Variants in APPL1 observed in about 807,000 individuals in gnomAD.
The protein encoded by APPL1 is DCC-interacting protein 13-alpha.
Under a neutral mutation model 106.8 loss-of-function variants are expected in APPL1, and 42 were observed. The ratio of observed to expected loss-of-function variants is 0.39; its 90% CI spans 0.31 to 0.51. The LOEUF is 0.51. Among genes scored for constraint, APPL1 ranks in the 20% least tolerant of loss-of-function variants. The pLI is 0.75. For synonymous variants in APPL1, 263 were observed against 281.8 expected (o/e 0.93, Z 0.67); for missense variants, 769 against 858.2 (o/e 0.90, Z 1.30).
At chr3:57,252,511 G>T (rs1306058953) in intron 12 of APPL1, among the ~76,000 whole-genome samples, 200 bp downstream of exon 12, 1 of 152,160 alleles carries the variant, frequency 6.6e-6, no homozygotes, top group Admixed American at 6.5e-5. Flanking sequence ...TATAGTGGGA[G>T]GGACCTTAGA....
intron 4 of APPL1, 54 bp from the exon 5 acceptor site, chr3:57,240,411 C>A: frequency 7.5e-7 from 1 of 1,339,058 alleles, no homozygotes; most frequent in Non-Finnish European, 1.1e-6. Flanking sequence ...TTACATAACA[C>A]TGGTTAAATG....
At chr3:57,248,967 T>G (rs1438566218) in intron 10 of APPL1, among the ~76,000 whole-genome samples, 1 of 152,242 alleles carries the variant, frequency 6.6e-6, no homozygotes, top group Non-Finnish European at 1.5e-5. Flanking sequence ...TATCCTACTT[T>G]AATATATTTG....
At chr3:57,232,456 G>C (rs1236537582) in intron 1 of APPL1, among the ~76,000 whole-genome samples, 2 of 152,036 alleles carry the variant, frequency 1.3e-5, no homozygotes, top group East Asian at 3.9e-4. Context: ...TAGTCTCTCA[G>C]TGTTCAACTA....
chr3:57,267,992 C>T, intron 20 of APPL1, 200 bp downstream of exon 20: 1 of 597,898 alleles, frequency 1.7e-6, no homozygotes, highest in South Asian at 2.0e-5. Flanking sequence ...CTGAGGAGGT[C>T]TGAGGCACGA....
chr3:57,267,406 G>T (rs1181882457), intron 19 of APPL1, among the ~76,000 whole-genome samples: 1 of 152,038 alleles, frequency 6.6e-6, no homozygotes, highest in African/African-American at 2.4e-5. Context: ...ACATTATGTT[G>T]GGAACCAAAA....
Position 57,228,615 on chromosome 3 carries a change from G to A in APPL1, c.54+678G>A, listed in dbSNP as rs889843053. On this transcript the variant is annotated intron_variant, in intron 1 of 21. Transcript: ENST00000288266. This position sits in a 1 kb window ranked among gnomAD's most constrained non-coding sequence, Gnocchi z 4.6. Reference sequence around the variant, plus strand: ...CCTTAATAAACTCATCAAAATAAAAGCCCTGTGTTCTGTGCGTCGGAATGA... The same window carrying A: ...CCTTAATAAACTCATCAAAATAAAAACCCTGTGTTCTGTGCGTCGGAATGA... Among the ~76,000 whole-genome samples, 1 of 152,254 alleles carries A rather than the reference G, an allele frequency of 6.6e-6. No homozygotes were observed. Among genetic ancestry groups the A allele is most frequent in the African/African-American group, 2.4e-5 (1 of 41,472 alleles).
chr3:57,257,004 T>C lies in APPL1; in HGVS notation c.1200T>C (p.Pro400=), dbSNP rs2060840379. The part of the protein sequence containing the change: ...VNQSALEAVT[P]SPSFQQRHES... ...AATCAGCTCTGGAAGCTGTCACTCC[T>C]TCCCCATCTTTCCAGCAGAGGCACG... Residue 400 remains proline, a synonymous_variant, in exon 14 of 22, where the codon CCT becomes CCC. Coordinates refer to ENST00000288266, the MANE Select transcript of APPL1 (RefSeq NM_012096.3). The C allele has an allele frequency of 6.2e-7, 1 of 1,614,064 alleles. No individual in the cohort carries two copies. Among genetic ancestry groups the C allele is most frequent in the Non-Finnish European group, 8.5e-7 (1 of 1,180,030 alleles).
chr3:57,262,955 G>A (rs138830832), intron 19 of APPL1, among the ~76,000 whole-genome samples: 3,637 of 151,116 alleles, frequency 0.024, 66 homozygotes, highest in South Asian at 0.035. Flanking sequence ...GGGTTTAAGC[G>A]ATTCTCCTGC....
At position 57,238,066 on chromosome 3, in the gene APPL1, G is replaced by A; in HGVS notation, c.235G>A (p.Asp79Asn). ...EKQRFPLGGD[D>N]EVMSSTLQQF... is the part of the protein sequence containing the mutation. ...TCAGCGTTTTCCATTGGGAGGTGAT[G>A]ATGAAGTTATGAGCTCTACATTGCA... is the stretch of plus-strand genomic sequence containing the variant. The change falls in exon 4 of 22, where the codon GAT becomes AAT. Residue 79 changes from aspartate (D) to asparagine (N), a missense_variant. By Grantham distance (23) the Asp-to-Asn change is conservative (BLOSUM62 1). Transcript: ENST00000288266. 1 of 1,611,580 alleles carries A rather than the reference G, an allele frequency of 6.2e-7. No homozygotes were observed. Among genetic ancestry groups the A allele is most frequent in the South Asian group, 1.1e-5 (1 of 90,234 alleles).
intron 16 of APPL1, 78 bp downstream of exon 16, chr3:57,259,158 C>T (rs1559512978): frequency 8.0e-7 from 1 of 1,249,406 alleles, no homozygotes; most frequent in East Asian, 2.4e-5. Flanking sequence ...TTTATATTTG[C>T]TCTGCTACTA....
At chr3:57,268,674 G>A (rs989471002) in intron 21 of APPL1, 187 bp downstream of exon 21, 8 of 461,404 alleles carry the variant, frequency 1.7e-5, no homozygotes, top group Non-Finnish European at 2.4e-5. Context: ...TTACATTATA[G>A]TTACGTTGAC....
intron 1 of APPL1, among the ~76,000 whole-genome samples, chr3:57,231,364 A>ATT (rs140836469): frequency 1.2e-3 from 179 of 145,036 alleles, no homozygotes; most frequent in African/African-American, 4.5e-3. Flanking sequence ...AAAAAAGAAA[A>ATT]TTTTTTTTTT....
At chr3:57,266,621 C>G (rs776652177) in intron 19 of APPL1, among the ~76,000 whole-genome samples, 8 of 152,110 alleles carry the variant, frequency 5.3e-5, no homozygotes, top group Non-Finnish European at 1.0e-4. Context: ...TTCAAAGAAA[C>G]CAACTTTTTG....
Position 57,273,144 on chromosome 3 carries a change from T to C in APPL1, c.*3457T>C, listed in dbSNP as rs190912996. 2.0e-5 allele frequency: 3 copies of C among 152,778 alleles called. No homozygotes were observed. Among genetic ancestry groups the C allele is most frequent in the Non-Finnish European group, 4.4e-5 (3 of 68,026 alleles). 9.5% of individuals were successfully genotyped at this position (152,778 alleles called of 1,614,324 possible). A position where few individuals can be genotyped will look rare whatever the true frequency, so the allele number is the denominator to read the frequency against. Reference sequence around the variant, plus strand: ...CTCATGAAATTTACTTCAGTTAATATGAGACTGGGGGTTAAGTTGTAACTA... The same window carrying C: ...CTCATGAAATTTACTTCAGTTAATACGAGACTGGGGGTTAAGTTGTAACTA... On this transcript the variant is annotated 3_prime_UTR_variant, in exon 22 of 22. Coordinates refer to ENST00000288266, the MANE Select transcript of APPL1 (RefSeq NM_012096.3).
intron 7 of APPL1, among the ~76,000 whole-genome samples, chr3:57,245,669 A>G (rs925325072): frequency 6.6e-6 from 1 of 150,840 alleles, no homozygotes; most frequent in African/African-American, 2.4e-5. Context: ...CGGCCTCCCC[A>G]GTAGCTGGAA....
rs527308468 is a variant in APPL1, at chr3:57,242,939, G to T, written c.474+25G>T. 1.9e-5 allele frequency: 29 copies of T among 1,562,978 alleles called. No individual in the cohort carries two copies. In the South Asian group the frequency reaches 3.0e-4, roughly 16 times the overall value. On this transcript the variant is annotated intron_variant, in intron 7 of 21. Transcript: ENST00000288266. ...GGTGTGGTACATATTTATTCCTTCA[G>T]TGTCATAATTAACTATTCATTAGGT...
At chr3:57,259,184 C>T in intron 16 of APPL1, 104 bp downstream of exon 16, 1 of 903,346 alleles carries the variant, frequency 1.1e-6, no homozygotes, top group East Asian at 2.6e-5. Context: ...AGTTTTAATG[C>T]TATCTTTACT....
intron 19 of APPL1, among the ~76,000 whole-genome samples, chr3:57,264,554 AAAAAAATTT>A: frequency 6.7e-6 from 1 of 149,716 alleles, no homozygotes; most frequent in African/African-American, 2.5e-5. Context: ...AATTATATTT[AAAAAAATTT>A]AAAAAAAAAT....
intron 7 of APPL1, among the ~76,000 whole-genome samples, chr3:57,244,299 G>T (rs941155751): frequency 3.9e-5 from 6 of 152,052 alleles, no homozygotes; most frequent in Admixed American, 2.0e-4. Context: ...GGGATTACAG[G>T]TGTTAGCCAC....
Sources: allele counts gnomAD v4.1 joint callset (sites outside exome capture counted in the v4.1 genomes callset), GRCh38; gene constraint gnomAD v4.1.1; non-coding constraint Gnocchi (gnomAD v3.1); transcripts MANE v1.5; gene names NCBI Gene and HGNC (gene_info 2026-07-23, HGNC 2026-07-21).